Variants in RORA observed in about 807,000 individuals in gnomAD.
RORA encodes RAR related orphan receptor A, also known as nuclear receptor ROR-alpha.
A neutral mutation model predicts 69.5 loss-of-function variants in RORA; 7 were observed. The ratio of observed to expected loss-of-function variants is 0.10; its 90% CI spans 0.06 to 0.19. The LOEUF (loss-of-function observed/expected upper bound fraction) is 0.19. RORA is among the 10% of genes least tolerant of loss of function. RORA has a pLI of 1.00. For missense variants in RORA, 457 were observed against 663.0 expected (o/e 0.69, Z 3.41); for synonymous variants, 261 against 240.8 (o/e 1.08, Z -0.78).
At chr15:60,853,111 G>A (rs2073343570) in intron 1 of RORA, among the ~76,000 whole-genome samples, 2 of 151,162 alleles carry the variant, frequency 1.3e-5, no homozygotes, top group East Asian at 3.9e-4. Flanking sequence ...AGGGCGGAGG[G>A]GGAGAACCAG....
At chr15:60,893,612 A>T (rs962940682) in intron 1 of RORA, among the ~76,000 whole-genome samples, 14 of 152,218 alleles carry the variant, frequency 9.2e-5, no homozygotes, top group East Asian at 3.9e-4. Flanking sequence ...TTTTTAAAAA[A>T]TTTTAAATTT....
At chr15:60,985,454 A>C (rs1264601338) in intron 1 of RORA, among the ~76,000 whole-genome samples, 4 of 152,206 alleles carry the variant, frequency 2.6e-5, no homozygotes, top group African/African-American at 9.7e-5. Flanking sequence ...CAAATTGAGA[A>C]AAATGAAATC....
chr15:61,037,345 A>AT (rs1896507516), intron 1 of RORA, among the ~76,000 whole-genome samples: 1 of 152,192 alleles, frequency 6.6e-6, no homozygotes, highest in African/African-American at 2.4e-5. Context: ...AAACCAATGA[A>AT]TGAATACAGC....
At chr15:60,592,575 G>C (rs2068562175) in intron 2 of RORA, 3 of 1,226,916 alleles carry the variant, frequency 2.4e-6, no homozygotes, top group Admixed American at 8.9e-5. Context: ...CCATGTGACC[G>C]GCTGACATCA....
At chr15:60,799,722 T>C (rs1235022902) in intron 1 of RORA, among the ~76,000 whole-genome samples, 1 of 152,112 alleles carries the variant, frequency 6.6e-6, no homozygotes, top group East Asian at 1.9e-4. Flanking sequence ...TTTGTCTTAC[T>C]TTCCCCTGCA....
chr15:60,525,416 A>ATGTT (rs1487224434), intron 3 of RORA, among the ~76,000 whole-genome samples: 11 of 152,104 alleles, frequency 7.2e-5, no homozygotes, highest in African/African-American at 2.7e-4. Flanking sequence ...TGCTGATCTG[A>ATGTT]TGTTTGGTCT....
rs183454183 is a variant in RORA at position 60,495,209 on chromosome 15, G to C, written c.*2246C>G. 25 of 152,202 alleles carry C rather than the reference G, an allele frequency of 1.6e-4. No homozygotes were observed. Among genetic ancestry groups the C allele is most frequent in the Admixed American group, 5.9e-4 (9 of 15,288 alleles). The allele number at this position is 152,202 out of a possible 1,614,324, so 9.4% of individuals were successfully genotyped here. A position where few individuals can be genotyped will look rare whatever the true frequency, so the allele number is the denominator to read the frequency against. Reference sequence around the variant, plus strand: ...ATGAATAAATAACTGAACTAAGCTTGGTACTCTTTTCAGAGTATAAATACT... The same window carrying C: ...ATGAATAAATAACTGAACTAAGCTTCGTACTCTTTTCAGAGTATAAATACT... On this transcript the variant is annotated 3_prime_UTR_variant, in exon 11 of 11. Transcript: ENST00000335670.
At chr15:60,735,596 G>A (rs1373550743) in intron 1 of RORA, among the ~76,000 whole-genome samples, 1 of 147,520 alleles carries the variant, frequency 6.8e-6, no homozygotes, top group African/African-American at 2.7e-5. Context: ...AAACCAAGTT[G>A]CACTTCGGCC....
chr15:60,647,980 TG>T (rs1158326086), intron 2 of RORA, among the ~76,000 whole-genome samples: 2 of 152,092 alleles, frequency 1.3e-5, no homozygotes, highest in African/African-American at 4.8e-5. Flanking sequence ...TGAAGAGGTG[TG>T]GGGACACCAA....
chr15:60,722,524 G>T (rs756424504), intron 1 of RORA, among the ~76,000 whole-genome samples: 17 of 152,288 alleles, frequency 1.1e-4, no homozygotes, highest in South Asian at 8.3e-4. Context: ...GAGGGACGTG[G>T]ATCACCCACA....
intron 2 of RORA, among the ~76,000 whole-genome samples, chr15:60,591,050 C>T (rs2068486888): frequency 6.6e-6 from 1 of 152,190 alleles, no homozygotes; most frequent in African/African-American, 2.4e-5. Flanking sequence ...GCGCAGATAC[C>T]GAACTGGTGT....
At chr15:61,123,166 G>T (rs2079117544) in intron 1 of RORA, among the ~76,000 whole-genome samples, 1 of 152,128 alleles carries the variant, frequency 6.6e-6, no homozygotes, top group African/African-American at 2.4e-5. Flanking sequence ...CTTTCCTGGG[G>T]TGTCACTCAC....
At chr15:60,913,708 T>C in intron 1 of RORA, among the ~76,000 whole-genome samples, 1 of 152,216 alleles carries the variant, frequency 6.6e-6, no homozygotes, top group South Asian at 2.1e-4. Flanking sequence ...TATGGGCAAA[T>C]ATTTGGATGA....
At chr15:60,753,214 TCTGACACGAACCTTCAA>T (rs2071752163) in intron 1 of RORA, among the ~76,000 whole-genome samples, 1 of 152,224 alleles carries the variant, frequency 6.6e-6, no homozygotes, top group African/African-American at 2.4e-5. Flanking sequence ...GCAGTTTAGT[TCTGACACGAACCTTCAA>T]CAGTTACTTC....
At chr15:61,186,693 T>C (rs2414691) in intron 1 of RORA, among the ~76,000 whole-genome samples, 147,452 of 149,682 alleles carry the variant, frequency 0.99, 72,672 homozygotes, top group Middle Eastern at 1. Context: ...AATCCAGATG[T>C]CATGGCACTG....
chr15:60,993,599 C>T (rs561141580), intron 1 of RORA, among the ~76,000 whole-genome samples: 26 of 140,574 alleles, frequency 1.8e-4, no homozygotes, highest in African/African-American at 5.6e-4. Context: ...GCTAAGATCA[C>T]GCCACTGCAC....
intron 1 of RORA, among the ~76,000 whole-genome samples, chr15:61,195,346 C>T (rs944213058): frequency 4.0e-5 from 6 of 151,876 alleles, no homozygotes; most frequent in African/African-American, 1.5e-4. Context: ...TTCATGGGTT[C>T]GCTCTTCCCA....
chr15:60,810,397 GT>G (rs1392427943), intron 1 of RORA, among the ~76,000 whole-genome samples: 3 of 152,008 alleles, frequency 2.0e-5, no homozygotes, highest in African/African-American at 7.2e-5. Flanking sequence ...GCCTTCTTGT[GT>G]TTGGTGTTCT....
intron 2 of RORA, among the ~76,000 whole-genome samples, chr15:60,600,185 C>T (rs1037137669): frequency 6.6e-6 from 1 of 152,152 alleles, no homozygotes; most frequent in African/African-American, 2.4e-5. Context: ...TAAGCGGTTA[C>T]AGATGGTTTT....
Sources: gnomAD v4.1 joint callset for allele counts (sites outside exome capture counted in the v4.1 genomes callset) on GRCh38, gnomAD v4.1.1 for gene constraint, MANE v1.5 for transcripts, NCBI Gene and HGNC (gene_info 2026-07-23, HGNC 2026-07-21) for gene names.